Variants in EBF2 observed in about 807,000 individuals in gnomAD.
EBF2 encodes the protein transcription factor COE2.
In EBF2, 21 loss-of-function variants were observed where a neutral mutation model predicts 72.8. The observed-to-expected ratio is 0.29, with a 90% CI of 0.20 to 0.42. EBF2 has a LOEUF of 0.42. Ranked by LOEUF, EBF2 falls within the 10% of genes least tolerant of loss-of-function variation. The pLI, the probability that EBF2 is intolerant of heterozygous loss-of-function variation, is 1.00. For synonymous variants in EBF2, 299 were observed against 274.2 expected (o/e 1.09, Z -0.89); for missense variants, 637 against 731.2 (o/e 0.87, Z 1.49).
intron 7 of EBF2, among the ~76,000 whole-genome samples, chr8:25,891,991 C>G (rs1238183221): frequency 2.0e-5 from 3 of 152,136 alleles, no homozygotes; most frequent in Non-Finnish European, 4.4e-5. Flanking sequence ...CAGTACTTAC[C>G]ATTCAGCTTC....
At chr8:26,040,905 G>C in intron 3 of EBF2, 34 bp downstream of exon 3, 1 of 1,613,756 alleles carries the variant, frequency 6.2e-7, no homozygotes, top group Non-Finnish European at 8.5e-7. Context: ...CCGGCTGCTA[G>C]GCGCCGGCTC....
chr8:25,972,950 C>G (rs1170784338), intron 6 of EBF2, among the ~76,000 whole-genome samples: 1 of 146,594 alleles, frequency 6.8e-6, no homozygotes, highest in Non-Finnish European at 1.5e-5. Flanking sequence ...AAGTCCCTCT[C>G]TCCCCAACTC....
At chr8:26,009,478 T>A (rs536686763) in intron 6 of EBF2, among the ~76,000 whole-genome samples, 52 of 152,338 alleles carry the variant, frequency 3.4e-4, no homozygotes, top group Admixed American at 2.6e-3. Context: ...AAGAATTTGA[T>A]GTATAAAATT....
chr8:25,916,681 T>C (rs150198242), intron 6 of EBF2, among the ~76,000 whole-genome samples: 1,576 of 152,064 alleles, frequency 0.01, 13 homozygotes, highest in Non-Finnish European at 0.017. Context: ...CTCTCACAGA[T>C]AGTAGGGGAG....
At chr8:25,995,210 G>A (rs1029458584) in intron 6 of EBF2, among the ~76,000 whole-genome samples, 1 of 152,178 alleles carries the variant, frequency 6.6e-6, no homozygotes, top group African/African-American at 2.4e-5. Flanking sequence ...GGAGGCTGAG[G>A]CAGGAGAATC....
At chr8:25,962,440 A>G (rs2117180126) in intron 6 of EBF2, among the ~76,000 whole-genome samples, 1 of 152,252 alleles carries the variant, frequency 6.6e-6, no homozygotes, top group East Asian at 1.9e-4. Flanking sequence ...CCAACTTCCA[A>G]CTATTATCCA....
At chr8:25,903,590 T>A (rs6557868) in intron 7 of EBF2, among the ~76,000 whole-genome samples, 3 of 151,814 alleles carry the variant, frequency 2.0e-5, no homozygotes, top group Non-Finnish European at 4.4e-5. Context: ...CCAGCTACTC[T>A]GGAGGCTGAG....
chr8:25,946,643 A>G (rs1007342904), intron 6 of EBF2, among the ~76,000 whole-genome samples: 23 of 152,186 alleles, frequency 1.5e-4, no homozygotes, highest in African/African-American at 4.1e-4. Context: ...CCACCTGTGC[A>G]TCACGGGAGA....
At chr8:25,987,549 T>C (rs1804480949) in intron 6 of EBF2, among the ~76,000 whole-genome samples, 1 of 152,214 alleles carries the variant, frequency 6.6e-6, no homozygotes, top group East Asian at 1.9e-4. Flanking sequence ...CTTCTATGAG[T>C]GGCATCATAT....
intron 6 of EBF2, among the ~76,000 whole-genome samples, chr8:26,004,986 T>C (rs927207258): frequency 6.6e-6 from 1 of 151,100 alleles, no homozygotes; most frequent in Non-Finnish European, 1.5e-5. Context: ...AACAGTCGCA[T>C]AGTGGCTAGT....
intron 10 of EBF2, among the ~76,000 whole-genome samples, chr8:25,876,846 A>G (rs560534425): frequency 6.6e-6 from 1 of 152,350 alleles, no homozygotes; most frequent in African/African-American, 2.4e-5. Flanking sequence ...TAGAACTGTC[A>G]TCACAGATAA....
chr8:25,953,794 T>C (rs1803899986), intron 6 of EBF2, among the ~76,000 whole-genome samples: 2 of 152,160 alleles, frequency 1.3e-5, no homozygotes, highest in South Asian at 2.1e-4. Flanking sequence ...TGACAGTCCC[T>C]AGTTAGGGCA....
chr8:25,883,729 G>T (rs571559397), intron 10 of EBF2, among the ~76,000 whole-genome samples: 2 of 152,022 alleles, frequency 1.3e-5, no homozygotes, highest in Non-Finnish European at 2.9e-5. Flanking sequence ...GTTCAGGATT[G>T]GCTGCAATGT....
At chr8:25,870,037 A>G (rs2117272198) in intron 10 of EBF2, among the ~76,000 whole-genome samples, 2 of 152,190 alleles carry the variant, frequency 1.3e-5, no homozygotes, top group East Asian at 3.9e-4. Flanking sequence ...TTCAAGAGCT[A>G]CAGATGCAAG....
At chr8:25,905,206 G>A (rs1482035826) in intron 7 of EBF2, among the ~76,000 whole-genome samples, 6 of 152,228 alleles carry the variant, frequency 3.9e-5, no homozygotes, top group Admixed American at 6.5e-5. Flanking sequence ...CCAAGTGTTG[G>A]CGAGGAATTG....
chr8:25,884,365 G>T (rs562348427), intron 10 of EBF2, among the ~76,000 whole-genome samples: 7 of 152,210 alleles, frequency 4.6e-5, no homozygotes, highest in African/African-American at 1.7e-4. Context: ...GAGGGAATGT[G>T]GATGGAGAGG....
intron 15 of EBF2, among the ~76,000 whole-genome samples, chr8:25,849,177 G>A (rs1801907215): frequency 6.6e-6 from 1 of 152,208 alleles, no homozygotes; most frequent in East Asian, 1.9e-4. Flanking sequence ...AGACCCCGCT[G>A]CTTTCTCTAG....
In EBF2 at chr8:25,858,386, C is replaced by T. The variant is rs926075282; in HGVS notation, c.1461G>A (p.Met487Ile). 3 of 1,614,154 alleles carry T rather than the reference C, an allele frequency of 1.9e-6. No homozygotes were observed. The highest frequency in any genetic ancestry group is 1.3e-5 in the African/African-American group (1 of 75,040). Residue 487 changes from methionine to isoleucine, a missense_variant, in exon 14 of 16, where the codon ATG becomes ATA. By Grantham distance (10) the Met-to-Ile change is conservative. Coordinates refer to ENST00000520164, the MANE Select transcript of EBF2 (RefSeq NM_022659.4). Reference protein sequence around the residue: ...NSMNGYSNVPMANLGVPGSPG... With the variant: ...NSMNGYSNVPIANLGVPGSPG... ...GTGAACCTGGAACACCCAAGTTGGCCATGGGGACATTGCTGTAGCCATTCA... is the reference window on the plus strand; with the variant it reads ...GTGAACCTGGAACACCCAAGTTGGCTATGGGGACATTGCTGTAGCCATTCA...
chr8:25,906,766 CAAAA>C (rs1803040367), intron 7 of EBF2, among the ~76,000 whole-genome samples: 1 of 98,034 alleles, frequency 1.0e-5, no homozygotes, highest in Non-Finnish European at 1.9e-5. Flanking sequence ...GACTCCATCT[CAAAA>C]CAAACAAACA....
Sources: gnomAD v4.1 joint callset for allele counts (sites outside exome capture counted in the v4.1 genomes callset) on GRCh38, gnomAD v4.1.1 for gene constraint, MANE v1.5 for transcripts, NCBI Gene and HGNC (gene_info 2026-07-23, HGNC 2026-07-21) for gene names.